FARS2: variants seen among roughly 807,000 people sequenced by gnomAD.
FARS2 encodes phenylalanyl-tRNA synthetase 2, mitochondrial.
A neutral mutation model predicts 46.4 loss-of-function variants in FARS2; 40 were observed. That is an observed-to-expected ratio of 0.86 (90% confidence interval 0.67 to 1.12). The LOEUF (loss-of-function observed/expected upper bound fraction) is 1.12, where lower values mean the gene tolerates loss of function less well. FARS2 is among the 50% of genes most tolerant of loss of function. FARS2 has a pLI of 0.00. For synonymous variants in FARS2, 234 were observed against 214.9 expected, an observed-to-expected ratio of 1.09 and a Z score of -0.78; for missense variants, 513 against 567.9, an observed-to-expected ratio of 0.90 and a Z score of 0.98.
intron 3 of FARS2, among the ~76,000 whole-genome samples, chr6:5,416,293 T>C (rs1218894843): frequency 6.6e-6 from 1 of 152,236 alleles, no homozygotes; most frequent in Non-Finnish European, 1.5e-5. Context: ...AGATTTGTGA[T>C]TCCTTTGAAG....
the FARS2 span, among the ~76,000 whole-genome samples, chr6:5,256,038 C>T: frequency 2.6e-5 from 4 of 151,794 alleles, no homozygotes; most frequent in South Asian, 8.3e-4. Context: ...CGACTACAGC[C>T]CCCATTAACA....
chr6:5,413,506 T>C (rs983620447), intron 3 of FARS2, among the ~76,000 whole-genome samples: 3 of 152,140 alleles, frequency 2.0e-5, no homozygotes, highest in African/African-American at 7.2e-5. Flanking sequence ...AGAGGGAAGA[T>C]TCTCCTTCTA....
chr6:5,629,832 A>G (rs1776218424), intron 6 of FARS2, among the ~76,000 whole-genome samples: 1 of 152,064 alleles, frequency 6.6e-6, no homozygotes, highest in African/African-American at 2.4e-5. Flanking sequence ...CAGGAGCTCA[A>G]ATCTATGGGA....
intron 3 of FARS2, among the ~76,000 whole-genome samples, chr6:5,429,094 G>T (rs571402574): frequency 7.8e-4 from 119 of 152,306 alleles, no homozygotes; most frequent in African/African-American, 2.8e-3. Context: ...GAAGAGTGGG[G>T]CAGTGGGCAG....
At chr6:5,702,133 G>A (rs1582797002) in intron 6 of FARS2, among the ~76,000 whole-genome samples, 1 of 152,196 alleles carries the variant, frequency 6.6e-6, no homozygotes, top group East Asian at 1.9e-4. Context: ...GTAGCTTATA[G>A]AAGGTGTCCC....
chr6:5,609,124 G>A (rs1437799297), intron 5 of FARS2: 13 of 683,208 alleles, frequency 1.9e-5, no homozygotes, highest in Non-Finnish European at 3.5e-5. Flanking sequence ...TAGCAGCTAG[G>A]CCCTGCCACC....
chr6:5,751,372 A>C (rs1339914872), intron 6 of FARS2, among the ~76,000 whole-genome samples: 1 of 152,154 alleles, frequency 6.6e-6, no homozygotes, highest in Non-Finnish European at 1.5e-5. Context: ...AAATGCATCA[A>C]TTCTCAGCAA....
At position 5,731,013 on chromosome 6, in the gene FARS2, C is replaced by CT. The variant is rs376935234; in HGVS notation, c.1218-40277dup. The stretch of plus-strand genomic sequence containing the variant: ...GCTCTGAAAGCATCAACCCTAATGA[C>CT]TACACGCTCATTTGTCTGGAGAAAA... On this transcript the variant is annotated intron_variant, in intron 6 of 6. Coordinates refer to ENST00000274680, the MANE Select transcript of FARS2 (RefSeq NM_006567.5). Among the ~76,000 whole-genome samples, 245 of 152,292 alleles carry CT rather than the reference C, an allele frequency of 1.6e-3. 2 individuals carry two copies. Among genetic ancestry groups the CT allele is most frequent in the African/African-American group, 5.5e-3 (229 of 41,534 alleles).
At chr6:5,719,646 G>C (rs1759761190) in intron 6 of FARS2, among the ~76,000 whole-genome samples, 1 of 152,064 alleles carries the variant, frequency 6.6e-6, no homozygotes, top group Non-Finnish European at 1.5e-5. Flanking sequence ...AGCTTTATGT[G>C]GACTTTACCA....
intron 1 of FARS2, among the ~76,000 whole-genome samples, chr6:5,309,223 G>T (rs773373197): frequency 1.3e-5 from 2 of 152,132 alleles, no homozygotes; most frequent in Admixed American, 1.3e-4. Context: ...AGATGAATAT[G>T]AGGCATATAT....
intron 6 of FARS2, among the ~76,000 whole-genome samples, chr6:5,624,174 C>T (rs1046323140): frequency 4.7e-5 from 7 of 150,280 alleles, no homozygotes; most frequent in Non-Finnish European, 1.0e-4. Context: ...TTCTCACAAA[C>T]TGTTTTTAGC....
chr6:5,475,112 A>T (rs1319515776), intron 4 of FARS2, among the ~76,000 whole-genome samples: 3 of 152,178 alleles, frequency 2.0e-5, no homozygotes, highest in Non-Finnish European at 1.5e-5. Flanking sequence ...AAATGAAAGG[A>T]TATGATTGTT....
At chr6:5,299,001 T>G (rs1213747623) in intron 1 of FARS2, among the ~76,000 whole-genome samples, 1 of 152,214 alleles carries the variant, frequency 6.6e-6, no homozygotes, top group Admixed American at 6.5e-5. Flanking sequence ...GGAAGATCAT[T>G]TTTATGTCTT....
At chr6:5,334,743 T>A (rs907430482) in intron 1 of FARS2, among the ~76,000 whole-genome samples, 1 of 152,212 alleles carries the variant, frequency 6.6e-6, no homozygotes, top group Non-Finnish European at 1.5e-5. Flanking sequence ...GTTTAAAAAT[T>A]ATGATTTTAT....
intron 4 of FARS2, among the ~76,000 whole-genome samples, chr6:5,432,415 AAT>A (rs372352730): frequency 0.019 from 2,360 of 127,242 alleles, 39 homozygotes; most frequent in South Asian, 0.058. Flanking sequence ...TATTATATAT[AAT>A]ATATAATATA....
At chr6:5,323,339 C>T (rs565249631) in intron 1 of FARS2, among the ~76,000 whole-genome samples, 22 of 152,044 alleles carry the variant, frequency 1.4e-4, no homozygotes, top group Admixed American at 4.6e-4. Flanking sequence ...CTTTGTTGGA[C>T]GGAGGATAAT....
chr6:5,539,384 G>GTGTGTATGTATATATATA, intron 4 of FARS2, among the ~76,000 whole-genome samples: 1 of 79,580 alleles, frequency 1.3e-5, no homozygotes, highest in African/African-American at 4.6e-5. Flanking sequence ...TTTTTTTTGT[G>GTGTGTATGTATATATATA]TATATATATA....
At chr6:5,736,470 C>T (rs1385501618) in intron 6 of FARS2, among the ~76,000 whole-genome samples, 1 of 152,036 alleles carries the variant, frequency 6.6e-6, no homozygotes, top group Non-Finnish European at 1.5e-5. Flanking sequence ...AGAGAATTCT[C>T]CTCCTCCTCC....
chr6:5,370,288 T>C (rs921284841), intron 2 of FARS2, among the ~76,000 whole-genome samples: 1 of 152,074 alleles, frequency 6.6e-6, no homozygotes, highest in East Asian at 1.9e-4. Flanking sequence ...TGCTGTTCTT[T>C]TGCGACTCTG....
Sources: allele counts gnomAD v4.1 joint callset (sites outside exome capture counted in the v4.1 genomes callset), GRCh38; gene constraint gnomAD v4.1.1; transcripts MANE v1.5; gene names NCBI Gene and HGNC (gene_info 2026-07-23, HGNC 2026-07-21).